Variants in TRPV5 observed in about 807,000 individuals in gnomAD.
TRPV5 encodes calcium transport protein 2.
In TRPV5, 66 loss-of-function variants were observed where a neutral mutation model predicts 74.1. That is an observed-to-expected ratio of 0.89 (90% CI 0.73 to 1.09). The LOEUF (loss-of-function observed/expected upper bound fraction) is 1.09. TRPV5 is among the 50% of genes least tolerant of loss of function. TRPV5 has a pLI of 0.00. For missense variants in TRPV5, 936 were observed against 930.4 expected (o/e 1.01, Z -0.08); for synonymous variants, 399 against 360.7 (o/e 1.11, Z -1.20).
chr7:142,924,344 A>ATATACATATACATG (rs1795942628), intron 8 of TRPV5, among the ~76,000 whole-genome samples: 2 of 10,834 alleles, frequency 1.8e-4, no homozygotes, highest in African/African-American at 3.4e-4. Flanking sequence ...ATACATATAT[A>ATATACATATACATG]TATATATAGA....
chr7:142,917,929 G>A (rs1049905097), intron 8 of TRPV5, among the ~76,000 whole-genome samples: 3 of 152,224 alleles, frequency 2.0e-5, no homozygotes, highest in Non-Finnish European at 4.4e-5. Flanking sequence ...TGCAATAGAA[G>A]TAATGATAAT....
chr7:142,925,141 C>A (rs1343850325), intron 8 of TRPV5: 2 of 412,510 alleles, frequency 4.8e-6, no homozygotes, highest in Non-Finnish European at 8.8e-6. Context: ...CTGTGTTGCC[C>A]AAATACAACA....
chr7:142,919,433 G>A (rs1345249640), intron 8 of TRPV5, among the ~76,000 whole-genome samples: 6 of 152,160 alleles, frequency 3.9e-5, no homozygotes, highest in East Asian at 1.9e-4. Context: ...GACAGGAAGC[G>A]GGGATGGAGA....
chr7:142,928,363 C>A (rs1796024506), intron 6 of TRPV5, 129 bp from the exon 7 acceptor site: 1 of 1,003,092 alleles, frequency 1.0e-6, no homozygotes, highest in African/African-American at 1.6e-5. Flanking sequence ...CAAACCTCTG[C>A]ATCTACAAGC....
Position 142,930,401 on chromosome 7 carries a change from C to T in TRPV5, c.174G>A (p.Leu58=). The T allele has an allele frequency of 6.2e-7, 1 of 1,614,196 alleles. No homozygotes were observed. Residue 58 remains leucine, a synonymous_variant, in exon 2 of 15, where the codon CTG becomes CTA. Transcript: ENST00000265310. ...CCAGTAGAAGTTGCCTAAGAACAGA[C>T]AGGTCATTTTCCTTGGATGCTCGAA... ...PLLRASKEND[L]SVLRQLLLDC... is the part of the protein sequence containing the mutation.
intron 11 of TRPV5, 24 bp from the exon 12 acceptor site, chr7:142,914,730 G>A (rs1284863052): frequency 6.2e-7 from 1 of 1,612,432 alleles, no homozygotes; most frequent in South Asian, 1.1e-5. Context: ...AAGGAAGAAA[G>A]GGTGGGATGA....
rs771249271 is a variant in TRPV5 at position 142,908,472 on chromosome 7, C to T, written c.*42G>A. ...AGGTCTCCGTCTCTGTCCCCGCCCC[C>T]AGGCCAACCGGGAGTAAGGTCAAGA... On this transcript the variant is annotated 3_prime_UTR_variant, in exon 15 of 15. Transcript: ENST00000265310. 3 of 1,602,786 alleles carry T rather than the reference C, an allele frequency of 1.9e-6. No individual in the cohort carries two copies. Among genetic ancestry groups the T allele is most frequent in the African/African-American group, 1.3e-5 (1 of 74,742 alleles).
intron 13 of TRPV5, 93 bp from the exon 14 acceptor site, chr7:142,909,689 T>C: frequency 7.4e-7 from 1 of 1,354,492 alleles, no homozygotes; most frequent in Non-Finnish European, 1.0e-6. Flanking sequence ...CCAAAGGCAA[T>C]CTGTGAGATA....
Position 142,908,481 on chromosome 7 carries a change from C to G in TRPV5, c.*33G>C. 1 of 1,604,990 alleles carries G rather than the reference C, an allele frequency of 6.2e-7. No homozygotes were observed. The highest frequency in any genetic ancestry group is 1.7e-5 in the Admixed American group (1 of 59,830). On this transcript the variant is annotated 3_prime_UTR_variant, in exon 15 of 15. Coordinates refer to ENST00000265310, the MANE Select transcript of TRPV5 (RefSeq NM_019841.7). The stretch of plus-strand genomic sequence containing the variant: ...TCTCTGTCCCCGCCCCCAGGCCAAC[C>G]GGGAGTAAGGTCAAGAGTGATAGCG...
Position 142,908,266 on chromosome 7 carries a change from C to T in TRPV5, c.*248G>A. On this transcript the variant is annotated 3_prime_UTR_variant, in exon 15 of 15. Transcript: ENST00000265310. ...ATCCCTGCCTCATGTCTTTAGTTGCCAACCTCCTTTTTCCTGAGATGGGTG... is the reference window on the plus strand; with the variant it reads ...ATCCCTGCCTCATGTCTTTAGTTGCTAACCTCCTTTTTCCTGAGATGGGTG... 1 of 569,018 alleles carries T rather than the reference C, an allele frequency of 1.8e-6. No homozygotes were observed. The highest frequency in any genetic ancestry group is 3.1e-6 in the Non-Finnish European group (1 of 321,216). 35.2% of individuals were successfully genotyped at this position (569,018 alleles called of 1,614,324 possible).
intron 14 of TRPV5, 33 bp downstream of exon 14, chr7:142,909,457 T>A (rs112262884): frequency 1.4e-4 from 228 of 1,609,532 alleles, no homozygotes; most frequent in Non-Finnish European, 1.8e-4. Flanking sequence ...CTTATACACA[T>A]CTGCAGTTTT....
chr7:142,924,253 T>C (rs539806779), intron 8 of TRPV5, among the ~76,000 whole-genome samples: 2 of 129,940 alleles, frequency 1.5e-5, no homozygotes, highest in South Asian at 4.6e-4. Context: ...TACATATACA[T>C]GTATATATAT....
chr7:142,933,154 C>T (rs1796123887), intron 1 of TRPV5, among the ~76,000 whole-genome samples, 178 bp downstream of exon 1: 1 of 152,180 alleles, frequency 6.6e-6, no homozygotes, highest in African/African-American at 2.4e-5. Context: ...TCCTCCACCG[C>T]CACTAAAAGG....
chr7:142,924,239 TATATAC>T (rs1407148986), intron 8 of TRPV5, among the ~76,000 whole-genome samples: 1 of 139,770 alleles, frequency 7.2e-6, no homozygotes, highest in African/African-American at 2.7e-5. Flanking sequence ...CATATATATA[TATATAC>T]ATATACATGT....
At chr7:142,924,506 T>C (rs1563375263) in intron 8 of TRPV5, among the ~76,000 whole-genome samples, 1 of 151,454 alleles carries the variant, frequency 6.6e-6, no homozygotes, top group Non-Finnish European at 1.5e-5. Context: ...TGCATATCGC[T>C]GTCTTTGGTC....
intron 1 of TRPV5, among the ~76,000 whole-genome samples, chr7:142,930,702 G>A (rs1796075240): frequency 6.6e-6 from 1 of 152,222 alleles, no homozygotes; most frequent in African/African-American, 2.4e-5. Flanking sequence ...GAGGGGAAGA[G>A]TTAATAGGAA....
At chr7:142,923,146 C>T (rs1390626610) in intron 8 of TRPV5, among the ~76,000 whole-genome samples, 3 of 152,110 alleles carry the variant, frequency 2.0e-5, no homozygotes, top group South Asian at 2.1e-4. Context: ...TGACTGAGAT[C>T]CCTGTGATCC....
Position 142,933,609 on chromosome 7 carries a change from G to T in TRPV5, c.-150C>A. 2 of 1,056,398 alleles carry T rather than the reference G, an allele frequency of 1.9e-6. No homozygotes were observed. The highest frequency in any genetic ancestry group is 1.6e-5 in the African/African-American group (1 of 62,744). The allele number at this position is 1,056,398 out of a possible 1,614,324, so 65.4% of individuals were successfully genotyped here. On this transcript the variant is annotated 5_prime_UTR_variant, in exon 1 of 15. Transcript: ENST00000265310. ...GACTTGTGTATGCAGCATGCAGCTT[G>T]TAGGTGTGTGTGTGTGCATGCAGTA...
chr7:142,933,586 CT>C lies in TRPV5; in HGVS notation c.-128del, dbSNP rs1188603135. 2 of 1,292,914 alleles carry C rather than the reference CT, an allele frequency of 1.5e-6. No homozygotes were observed. 80.1% of individuals were successfully genotyped at this position (1,292,914 alleles called of 1,614,324 possible). On this transcript the variant is annotated 5_prime_UTR_variant, in exon 1 of 15. An upstream open reading frame in the 5' UTR loses its in-frame stop. Transcript: ENST00000265310. ...GACTCTGAGTTTATCTCCTGTATGA[CT>C]TGTGTATGCAGCATGCAGCTTGTAG...
Sources: gnomAD v4.1 joint callset for allele counts (sites outside exome capture counted in the v4.1 genomes callset) on GRCh38, gnomAD v4.1.1 for gene constraint, MANE v1.5 for transcripts, NCBI Gene and HGNC (gene_info 2026-07-23, HGNC 2026-07-21) for gene names.